The following BRINP3 variants were observed in gnomAD, a reference collection of about 807,000 sequenced individuals.
The protein encoded by BRINP3 is BMP/retinoic acid-inducible neural-specific protein 3.
In BRINP3, 19 loss-of-function variants were observed where a neutral mutation model predicts 71.0. That is an observed-to-expected ratio of 0.27 (90% CI 0.19 to 0.39). The LOEUF is 0.39. Among genes scored for constraint, BRINP3 ranks in the 10% least tolerant of loss-of-function variants. BRINP3 has a pLI of 1.00. For synonymous variants in BRINP3, 380 were observed against 337.7 expected, an observed-to-expected ratio of 1.13 and a Z score of -1.37; for missense variants, 959 against 940.8, an observed-to-expected ratio of 1.02 and a Z score of -0.25.
At chr1:190,124,304 C>T (rs1337274229) in intron 7 of BRINP3, among the ~76,000 whole-genome samples, 1 of 152,122 alleles carries the variant, frequency 6.6e-6, no homozygotes, top group Non-Finnish European at 1.5e-5. Context: ...AGGCGGCCCT[C>T]ACCAGATGGT....
intron 2 of BRINP3, among the ~76,000 whole-genome samples, chr1:190,443,575 A>T (rs1041119648): frequency 6.6e-6 from 1 of 152,202 alleles, no homozygotes; most frequent in Non-Finnish European, 1.5e-5. Context: ...TTGAAACAGA[A>T]CCAGGCAGCC....
At chr1:190,221,217 C>T (rs1184522124) in intron 6 of BRINP3, among the ~76,000 whole-genome samples, 1 of 152,040 alleles carries the variant, frequency 6.6e-6, no homozygotes, top group African/African-American at 2.4e-5. Flanking sequence ...GACTCCATCT[C>T]AAACAAACAA....
intron 2 of BRINP3, among the ~76,000 whole-genome samples, chr1:190,414,789 G>A (rs1672907661): frequency 1.3e-5 from 2 of 152,162 alleles, no homozygotes; most frequent in Admixed American, 1.3e-4. Context: ...AAAAATGACA[G>A]TCTCTCCCAT....
At chr1:190,197,009 AG>A (rs1292063712) in intron 6 of BRINP3, among the ~76,000 whole-genome samples, 9 of 151,720 alleles carry the variant, frequency 5.9e-5, no homozygotes, top group African/African-American at 2.2e-4. Context: ...ATAAAGTCAT[AG>A]GAGCGACCTG....
intron 2 of BRINP3, among the ~76,000 whole-genome samples, chr1:190,301,206 T>TAC (rs1297309264): frequency 0.014 from 222 of 15,624 alleles, 6 homozygotes; most frequent in East Asian, 0.059. Context: ...TACACATACA[T>TAC]ATATATATAT....
chr1:190,244,315 C>T (rs963685819), intron 4 of BRINP3, among the ~76,000 whole-genome samples: 1 of 152,068 alleles, frequency 6.6e-6, no homozygotes, highest in African/African-American at 2.4e-5. Context: ...AACAGAACTA[C>T]TCCCTTTATT....
intron 6 of BRINP3, among the ~76,000 whole-genome samples, chr1:190,205,301 G>T (rs969592028): frequency 6.6e-6 from 1 of 150,934 alleles, no homozygotes; most frequent in Non-Finnish European, 1.5e-5. Flanking sequence ...GGTTGATATG[G>T]TTCTCTTTTC....
At chr1:190,182,730 T>G (rs1378916055) in intron 6 of BRINP3, among the ~76,000 whole-genome samples, 2 of 152,076 alleles carry the variant, frequency 1.3e-5, no homozygotes. Context: ...GCACATCAGA[T>G]AATATTTAGC....
At chr1:190,206,561 T>A (rs1425527816) in intron 6 of BRINP3, among the ~76,000 whole-genome samples, 1 of 152,108 alleles carries the variant, frequency 6.6e-6, no homozygotes, top group African/African-American at 2.4e-5. Flanking sequence ...TTAAGAATTG[T>A]TCCTCACAAC....
chr1:190,245,470 C>A (rs1267492860), intron 4 of BRINP3, among the ~76,000 whole-genome samples: 1 of 152,006 alleles, frequency 6.6e-6, no homozygotes, highest in Non-Finnish European at 1.5e-5. Flanking sequence ...CCCAAACTCT[C>A]TGCAATATTA....
At chr1:190,148,927 T>C (rs1050914811) in intron 7 of BRINP3, among the ~76,000 whole-genome samples, 6 of 152,086 alleles carry the variant, frequency 3.9e-5, no homozygotes, top group African/African-American at 1.4e-4. Flanking sequence ...AATAACATGG[T>C]AGAGTAATGA....
rs192259118 is a variant in BRINP3 at position 190,355,870 on chromosome 1, C to T, written c.237-74120G>A. On this transcript the variant is annotated intron_variant, in intron 2 of 7. Coordinates refer to ENST00000367462, the MANE Select transcript of BRINP3 (RefSeq NM_199051.3). ...AAGTTTCAGGTTTCAGATAGAATGTCCTTTCTTTAAAGGAGTATAGGATTG... is the reference window on the plus strand; with the variant it reads ...AAGTTTCAGGTTTCAGATAGAATGTTCTTTCTTTAAAGGAGTATAGGATTG... Among the ~76,000 whole-genome samples the T allele has an allele frequency of 7.2e-5, 11 of 151,948 alleles. No individual in the cohort carries two copies. In the East Asian group the frequency reaches 2.1e-3, roughly 29 times the overall value.
chr1:190,247,769 A>G (rs1378045769), intron 4 of BRINP3, among the ~76,000 whole-genome samples: 1 of 151,856 alleles, frequency 6.6e-6, no homozygotes, highest in Admixed American at 6.6e-5. Context: ...GTGCCTGACA[A>G]CCTGCTTAAC....
At chr1:190,151,069 C>T (rs1656349415) in intron 7 of BRINP3, among the ~76,000 whole-genome samples, 1 of 151,968 alleles carries the variant, frequency 6.6e-6, no homozygotes, top group East Asian at 1.9e-4. Flanking sequence ...ATCGCTTGAA[C>T]CTGGGAGGTG....
At chr1:190,382,065 TTAGTAAC>T (rs1467543928) in intron 2 of BRINP3, among the ~76,000 whole-genome samples, 1 of 152,152 alleles carries the variant, frequency 6.6e-6, no homozygotes, top group Admixed American at 6.6e-5. Flanking sequence ...GGCTATACTA[TTAGTAAC>T]ACTTTTGCTT....
rs1231092259 is a variant in BRINP3 at position 190,461,380 on chromosome 1, A to G, written c.-50-6440T>C. Reference sequence around the variant, plus strand: ...TGACCTTAAAACCTCAGACTAGATTATCATTTCATTCACAAGGATTTTCAT... The same window carrying G: ...TGACCTTAAAACCTCAGACTAGATTGTCATTTCATTCACAAGGATTTTCAT... On this transcript the variant is annotated intron_variant, in intron 1 of 7. Coordinates refer to ENST00000367462, the MANE Select transcript of BRINP3 (RefSeq NM_199051.3). 2.6e-5 allele frequency among the ~76,000 whole-genome samples: 4 copies of G among 152,150 alleles called. No homozygotes were observed. The South Asian group carries it at 8.3e-4, about 31-fold the overall frequency.
chr1:190,195,035 A>T (rs1288780155), intron 6 of BRINP3, among the ~76,000 whole-genome samples: 2 of 151,574 alleles, frequency 1.3e-5, no homozygotes, highest in African/African-American at 2.4e-5. Flanking sequence ...CATGAAGTTT[A>T]AAAAAAAATT....
At chr1:190,145,221 T>A (rs944031794) in intron 7 of BRINP3, among the ~76,000 whole-genome samples, 3 of 152,198 alleles carry the variant, frequency 2.0e-5, no homozygotes, top group Admixed American at 2.0e-4. Context: ...TACATGACAT[T>A]AAATGTTTAT....
intron 2 of BRINP3, among the ~76,000 whole-genome samples, chr1:190,405,303 T>C (rs1672192568): frequency 6.6e-6 from 1 of 151,312 alleles, no homozygotes; most frequent in Non-Finnish European, 1.5e-5. Flanking sequence ...TGCAAAAAAT[T>C]AGCCAGGCGT....
Sources: allele counts gnomAD v4.1 joint callset (sites outside exome capture counted in the v4.1 genomes callset), GRCh38; gene constraint gnomAD v4.1.1; transcripts MANE v1.5; gene names NCBI Gene and HGNC (gene_info 2026-07-23, HGNC 2026-07-21).